Variants in SPOCK3 observed in about 807,000 individuals in gnomAD.
SPOCK3 encodes SPARC (osteonectin), cwcv and kazal like domains proteoglycan 3.
In SPOCK3, 30 loss-of-function variants were observed where a neutral mutation model predicts 56.6. The observed-to-expected ratio is 0.53, with a 90% CI of 0.40 to 0.72. The LOEUF (loss-of-function observed/expected upper bound fraction) is 0.72. Among genes scored for constraint, SPOCK3 ranks in the 30% least tolerant of loss-of-function variants. The pLI, the probability that SPOCK3 is intolerant of heterozygous loss-of-function variation, is 0.00. For synonymous variants in SPOCK3, 196 were observed against 183.3 expected (o/e 1.07, Z -0.56); for missense variants, 527 against 530.0 (o/e 0.99, Z 0.06).
chr4:166,750,347 G>A (rs1736214298), intron 8 of SPOCK3, among the ~76,000 whole-genome samples: 1 of 152,010 alleles, frequency 6.6e-6, no homozygotes, highest in Admixed American at 6.6e-5. Flanking sequence ...TCTACACAGG[G>A]TAAGGACTAA....
At chr4:166,744,451 G>A (rs1320731259) in intron 8 of SPOCK3, among the ~76,000 whole-genome samples, 1 of 152,050 alleles carries the variant, frequency 6.6e-6, no homozygotes, top group Non-Finnish European at 1.5e-5. Context: ...TCGACAAAAA[G>A]GACATCCACA....
intron 4 of SPOCK3, among the ~76,000 whole-genome samples, chr4:166,931,611 A>C (rs1017873136): frequency 3.9e-5 from 6 of 152,232 alleles, no homozygotes; most frequent in Non-Finnish European, 5.9e-5. Flanking sequence ...TTATTTTAAA[A>C]ACCGTGAATA....
At position 166,986,237 on chromosome 4, in the gene SPOCK3, T is replaced by C. The variant is rs72697588; in HGVS notation, c.350+14112A>G. Among the ~76,000 whole-genome samples, 1,007 of 152,310 alleles carry C rather than the reference T, an allele frequency of 6.6e-3. 5 individuals carry two copies. The highest frequency in any genetic ancestry group is 0.011 in the Non-Finnish European group (767 of 68,014). On this transcript the variant is annotated intron_variant, in intron 4 of 10. Transcript: ENST00000357545. The stretch of plus-strand genomic sequence containing the variant: ...AAAATCATAATTAAAAACTCCTTTT[T>C]TGTCATGTTTTCCACAGGAGATTTT...
At chr4:167,206,495 T>A (rs2062379) in intron 2 of SPOCK3, among the ~76,000 whole-genome samples, 131,102 of 149,150 alleles carry the variant, frequency 0.88, 56,620 homozygotes, top group South Asian at 0.93. Flanking sequence ...AGAATTACAT[T>A]AAAAAATAAA....
In SPOCK3 at chr4:167,027,776, C is replaced by G. The variant is rs192182086; in HGVS notation, c.236-27313G>C. Reference sequence around the variant, plus strand: ...GAAGTGGATCATCATAAAAATCTTTCTTTATTCTCGTTGTCTTCAAGTTGA... The same window carrying G: ...GAAGTGGATCATCATAAAAATCTTTGTTTATTCTCGTTGTCTTCAAGTTGA... On this transcript the variant is annotated intron_variant, in intron 3 of 10. Coordinates refer to ENST00000357545, the MANE Select transcript of SPOCK3 (RefSeq NM_001040159.2). 2.0e-5 allele frequency among the ~76,000 whole-genome samples: 3 copies of G among 152,028 alleles called. No individual in the cohort carries two copies. The East Asian group carries it at 5.8e-4, about 30-fold the overall frequency.
chr4:166,952,851 T>G (rs1236052891), intron 4 of SPOCK3, among the ~76,000 whole-genome samples: 1 of 151,966 alleles, frequency 6.6e-6, no homozygotes, highest in Non-Finnish European at 1.5e-5. Flanking sequence ...CCCTATTTAA[T>G]AAATGGTGCT....
chr4:166,855,999 G>A (rs575362451), intron 6 of SPOCK3, among the ~76,000 whole-genome samples: 34 of 152,298 alleles, frequency 2.2e-4, no homozygotes, highest in African/African-American at 7.7e-4. Flanking sequence ...GGGAGATTAT[G>A]TTAAGTGACA....
intron 8 of SPOCK3, among the ~76,000 whole-genome samples, chr4:166,747,108 A>AC (rs1735729981): frequency 6.6e-6 from 1 of 152,026 alleles, no homozygotes. Context: ...AATAGAAAAA[A>AC]AGTGAATCCT....
At chr4:167,102,922 G>GAAAAAAAA (rs55740507) in intron 2 of SPOCK3, among the ~76,000 whole-genome samples, 2 of 62,516 alleles carry the variant, frequency 3.2e-5, no homozygotes, top group African/African-American at 1.2e-4. Context: ...ATAGCTTGCA[G>GAAAAAAAA]AAAAAAAAAA....
intron 2 of SPOCK3, among the ~76,000 whole-genome samples, chr4:167,147,512 T>C (rs1764064993): frequency 6.6e-6 from 1 of 152,134 alleles, no homozygotes; most frequent in Non-Finnish European, 1.5e-5. Flanking sequence ...CATGCACACG[T>C]ATGTTTATTA....
intron 6 of SPOCK3, among the ~76,000 whole-genome samples, chr4:166,846,092 C>A (rs1748031519): frequency 1.3e-5 from 2 of 152,048 alleles, no homozygotes; most frequent in South Asian, 2.1e-4. Context: ...AGGGCTATAA[C>A]CTCACTAGGA....
At chr4:167,045,008 G>A (rs1038932598) in intron 3 of SPOCK3, among the ~76,000 whole-genome samples, 3 of 152,042 alleles carry the variant, frequency 2.0e-5, no homozygotes, top group African/African-American at 7.2e-5. Flanking sequence ...CTAGTGGAGG[G>A]ATGTTGTCTC....
At position 167,109,065 on chromosome 4, in the gene SPOCK3, T is replaced by TATATTTATATAAATATATATAAA. The variant is rs1328710834; in HGVS notation, c.190-46529_190-46528insTTTATATATATTTATATAAATAT. On this transcript the variant is annotated intron_variant, in intron 2 of 10. Transcript: ENST00000357545. ...ACTTATATAAAAATATATATAAATA[T>TATATTTATATAAATATATATAAA]TATATATTTATATAAAAATATATAT... 2.2e-3 allele frequency among the ~76,000 whole-genome samples: 4 copies of TATATTTATATAAATATATATAAA among 1,798 alleles called. 1 individual carries two copies. Among genetic ancestry groups the TATATTTATATAAATATATATAAA allele is most frequent in the African/African-American group, 0.013 (2 of 154 alleles). 1.2% of individuals were successfully genotyped at this position (1,798 alleles called of 152,430 possible). A position where few individuals can be genotyped will look rare whatever the true frequency, so the allele number is the denominator to read the frequency against.
chr4:167,184,747 A>C (rs1731805696), intron 2 of SPOCK3, among the ~76,000 whole-genome samples: 1 of 152,154 alleles, frequency 6.6e-6, no homozygotes, highest in African/African-American at 2.4e-5. Context: ...AATACCTTTA[A>C]AATTTCTTAA....
chr4:166,890,682 G>A (rs1734676323), intron 5 of SPOCK3, among the ~76,000 whole-genome samples: 1 of 151,888 alleles, frequency 6.6e-6, no homozygotes, highest in African/African-American at 2.4e-5. Context: ...CCAGTTATGT[G>A]GTCAATTTTA....
At chr4:166,879,399 G>C (rs1579516377) in intron 6 of SPOCK3, among the ~76,000 whole-genome samples, 1 of 152,074 alleles carries the variant, frequency 6.6e-6, no homozygotes, top group African/African-American at 2.4e-5. Context: ...AGCCAGGCAT[G>C]GTGGCGTGCA....
At chr4:167,161,514 A>G (rs563634788) in intron 2 of SPOCK3, among the ~76,000 whole-genome samples, 1 of 152,276 alleles carries the variant, frequency 6.6e-6, no homozygotes, top group African/African-American at 2.4e-5. Context: ...TAGAAATACC[A>G]TTTGACCCAG....
At chr4:167,160,836 T>G (rs534647363) in intron 2 of SPOCK3, among the ~76,000 whole-genome samples, 14 of 152,266 alleles carry the variant, frequency 9.2e-5, no homozygotes, top group African/African-American at 3.4e-4. Context: ...TGGCTAGCCA[T>G]ATGTAGAAAG....
intron 3 of SPOCK3, among the ~76,000 whole-genome samples, chr4:167,004,926 G>A (rs1013472689): frequency 4.6e-5 from 7 of 151,996 alleles, no homozygotes; most frequent in Admixed American, 2.0e-4. Context: ...CTAGATATTC[G>A]GATCTTGTAT....
Sources: allele counts gnomAD v4.1 joint callset (sites outside exome capture counted in the v4.1 genomes callset), GRCh38; gene constraint gnomAD v4.1.1; transcripts MANE v1.5; gene names NCBI Gene and HGNC (gene_info 2026-07-23, HGNC 2026-07-21).